The following BSN variants were observed in gnomAD, a reference collection of about 807,000 sequenced individuals.
BSN encodes bassoon presynaptic cytomatrix protein, also known as protein bassoon.
In BSN, 57 loss-of-function variants were observed where a neutral mutation model predicts 264.8. The observed-to-expected ratio is 0.22, with a 90% CI of 0.17 to 0.27. The LOEUF (loss-of-function observed/expected upper bound fraction) is 0.27. Ranked by LOEUF, BSN falls within the 10% of genes least tolerant of loss-of-function variation. BSN has a pLI of 1.00. For missense variants in BSN, 4,615 were observed against 5,232.5 expected (o/e 0.88, Z 3.64); for synonymous variants, 2,059 against 2,137.3 (o/e 0.96, Z 1.01).
chr3:49,613,777 G>A (rs9833611), intron 1 of BSN, among the ~76,000 whole-genome samples: 43,424 of 151,734 alleles, frequency 0.29, 6,706 homozygotes, highest in Middle Eastern at 0.31. Context: ...CAAAGTGCTG[G>A]GATTACAGGC....
At position 49,652,345 on chromosome 3, in the gene BSN, G is replaced by A. The variant is rs749614597; in HGVS notation, c.2789G>A (p.Arg930His). The part of the protein sequence containing the change: ...GSGTLQGGLR[R>H]FKTIELNSTG... Reference sequence around the variant, plus strand: ...GGGACCCTGCAGGGTGGGCTCCGTCGCTTCAAGACCATTGAGCTCAACAGC... The same window carrying A: ...GGGACCCTGCAGGGTGGGCTCCGTCACTTCAAGACCATTGAGCTCAACAGC... The change falls in exon 5 of 12, where the codon CGC becomes CAC. Residue 930 changes from arginine to histidine, a missense_variant. By Grantham distance (29) the Arg-to-His change is conservative. Coordinates refer to ENST00000296452, the MANE Select transcript of BSN (RefSeq NM_003458.4). 2.7e-5 allele frequency: 44 copies of A among 1,603,212 alleles called. No homozygotes were observed. The highest frequency in any genetic ancestry group is 3.2e-5 in the Non-Finnish European group (38 of 1,174,264).
intron 1 of BSN, among the ~76,000 whole-genome samples, chr3:49,577,967 G>A (rs1405095362): frequency 6.6e-6 from 1 of 152,188 alleles, no homozygotes; most frequent in Admixed American, 6.5e-5. Context: ...GAGAACTGCT[G>A]GGGGTAGCGG....
rs745361050 is a variant in BSN at position 49,661,970 on chromosome 3, T to C, written c.10125T>C (p.Ile3375=). The C allele has an allele frequency of 6.2e-7, 1 of 1,613,912 alleles. No homozygotes were observed. The highest frequency in any genetic ancestry group is 8.5e-7 in the Non-Finnish European group (1 of 1,180,040). Residue 3375 remains isoleucine, a synonymous_variant, in exon 6 of 12, where the codon ATT becomes ATC. Transcript: ENST00000296452. Reference sequence around the variant, plus strand: ...AAAAGATATCCAAGTTCTCGCCTATTGAAGAGGCCAAAGACGTAGAGTCAG... The same window carrying C: ...AAAAGATATCCAAGTTCTCGCCTATCGAAGAGGCCAAAGACGTAGAGTCAG... ...MEQKISKFSP[I]EEAKDVESDL... is the part of the protein sequence containing the mutation.
intron 6 of BSN, 27 bp downstream of exon 6, chr3:49,662,589 C>A: frequency 6.4e-7 from 1 of 1,556,966 alleles, no homozygotes; most frequent in South Asian, 1.2e-5. Context: ...GTGATTTCTG[C>A]GGATACTCAG....
intron 1 of BSN, among the ~76,000 whole-genome samples, chr3:49,615,399 A>C (rs907410032): frequency 6.6e-6 from 1 of 152,114 alleles, no homozygotes; most frequent in African/African-American, 2.4e-5. Context: ...CCCCAGCTCT[A>C]CCAAGGACCT....
chr3:49,572,695 G>A (rs1023283801), intron 1 of BSN, among the ~76,000 whole-genome samples: 5 of 152,046 alleles, frequency 3.3e-5, no homozygotes, highest in African/African-American at 7.2e-5. Flanking sequence ...CACCACGCCC[G>A]GCTAATTTTT....
At chr3:49,643,546 C>T (rs936535672) in intron 3 of BSN, among the ~76,000 whole-genome samples, 11 of 152,140 alleles carry the variant, frequency 7.2e-5, no homozygotes, top group Admixed American at 5.9e-4. Flanking sequence ...GGGTGGGGAT[C>T]GAATGGCCAT....
intron 1 of BSN, among the ~76,000 whole-genome samples, chr3:49,575,658 GTA>G (rs10538409): frequency 0.55 from 78,246 of 141,316 alleles, 22,173 homozygotes; most frequent in African/African-American, 0.66. Flanking sequence ...GTGTGTGTGT[GTA>G]TATATATATA....
chr3:49,630,524 C>T (rs1559609383), intron 2 of BSN, among the ~76,000 whole-genome samples: 1 of 152,220 alleles, frequency 6.6e-6, no homozygotes, highest in Non-Finnish European at 1.5e-5. Flanking sequence ...TCCCAGAAGA[C>T]AGGACCTTTG....
rs759946572 is a variant in BSN, at chr3:49,663,471, A to G, written c.11313A>G (p.Ala3771=). The change falls in exon 7 of 12, where the codon GCA becomes GCG. Residue 3771 remains alanine, a synonymous_variant. Transcript: ENST00000296452. ...SPSSRQIPSG[A]ASRQPQTQQQ... Reference sequence around the variant, plus strand: ...CATCCAGGCAAATACCCTCTGGGGCAGCATCACGCCAGCCACAGACACAGC... The same window carrying G: ...CATCCAGGCAAATACCCTCTGGGGCGGCATCACGCCAGCCACAGACACAGC... 4 of 1,612,812 alleles carry G rather than the reference A, an allele frequency of 2.5e-6. No homozygotes were observed. The highest frequency in any genetic ancestry group is 3.4e-6 in the Non-Finnish European group (4 of 1,179,982).
chr3:49,613,786 G>T (rs746578169), intron 1 of BSN, among the ~76,000 whole-genome samples: 29 of 152,008 alleles, frequency 1.9e-4, no homozygotes, highest in Non-Finnish European at 2.9e-4. Flanking sequence ...GGGATTACAG[G>T]CATGAACCGC....
chr3:49,573,524 C>G (rs11720458), intron 1 of BSN, among the ~76,000 whole-genome samples: 1 of 151,948 alleles, frequency 6.6e-6, no homozygotes, highest in South Asian at 2.1e-4. Context: ...TGGGCTCCAA[C>G]AGGAGCTCAC....
intron 1 of BSN, among the ~76,000 whole-genome samples, chr3:49,598,726 G>A (rs2052045494): frequency 1.3e-5 from 2 of 152,126 alleles, no homozygotes; most frequent in Non-Finnish European, 2.9e-5. Context: ...ACACTTAATG[G>A]TGAAAAACTG....
chr3:49,566,676 C>G (rs2051754273), intron 1 of BSN, among the ~76,000 whole-genome samples: 1 of 151,410 alleles, frequency 6.6e-6, no homozygotes. Context: ...GTCCCAGCTA[C>G]TCGGGAGGCT....
intron 5 of BSN, among the ~76,000 whole-genome samples, chr3:49,658,560 A>T (rs2052630334): frequency 6.6e-6 from 1 of 152,016 alleles, no homozygotes; most frequent in Non-Finnish European, 1.5e-5. Flanking sequence ...TTCCACTCCA[A>T]ACTTAATCTA....
intron 1 of BSN, among the ~76,000 whole-genome samples, chr3:49,599,754 G>A (rs1253303783): frequency 6.6e-6 from 1 of 152,144 alleles, no homozygotes; most frequent in East Asian, 1.9e-4. Context: ...CACCATTCTA[G>A]AAGTCGTTTC....
At chr3:49,599,473 C>G (rs961956380) in intron 1 of BSN, among the ~76,000 whole-genome samples, 1 of 152,036 alleles carries the variant, frequency 6.6e-6, no homozygotes, top group Non-Finnish European at 1.5e-5. Flanking sequence ...AAAGGGGACC[C>G]CATCTTCTTG....
rs138175205 is a variant in BSN at position 49,621,745 on chromosome 3, T to C, written c.225-3230T>C. ...TTTATTATTTATTTTAGAGACAGAG[T>C]CTTGCTCTGTCACTCAGGCTGGAGC... On this transcript the variant is annotated intron_variant, in intron 1 of 11. Coordinates refer to ENST00000296452, the MANE Select transcript of BSN (RefSeq NM_003458.4). Among the ~76,000 whole-genome samples the C allele has an allele frequency of 4.7e-4, 71 of 151,934 alleles. No individual in the cohort carries two copies. In the East Asian group the frequency reaches 0.012, roughly 26 times the overall value.
chr3:49,649,399 CAG>C (rs773674695), intron 3 of BSN, among the ~76,000 whole-genome samples: 16 of 152,342 alleles, frequency 1.1e-4, no homozygotes, highest in Non-Finnish European at 1.8e-4. Flanking sequence ...CTCTGCGCCA[CAG>C]AGTAAGAACA....
Sources: allele counts gnomAD v4.1 joint callset (sites outside exome capture counted in the v4.1 genomes callset), GRCh38; gene constraint gnomAD v4.1.1; transcripts MANE v1.5; gene names NCBI Gene and HGNC (gene_info 2026-07-23, HGNC 2026-07-21).